The following CELA3B variants were observed in gnomAD, a reference collection of about 807,000 sequenced individuals.
CELA3B encodes the protein chymotrypsin-like elastase family member 3B.
A neutral mutation model predicts 37.2 loss-of-function variants in CELA3B; 34 were observed. The ratio of observed to expected loss-of-function variants is 0.91; its 90% CI spans 0.70 to 1.22. The LOEUF (loss-of-function observed/expected upper bound fraction) is 1.22. Among genes scored for constraint, CELA3B ranks in the 50% most tolerant of loss-of-function variants. The pLI is 0.00. For missense variants in CELA3B, 340 were observed against 363.1 expected (o/e 0.94, Z 0.52); for synonymous variants, 127 against 143.5 (o/e 0.89, Z 0.82).
At chr1:21,977,195 G>A (rs1644777549) in intron 1 of CELA3B, 113 bp downstream of exon 1, 2 of 1,510,360 alleles carry the variant, frequency 1.3e-6, no homozygotes, top group Non-Finnish European at 1.8e-6. Context: ...CACAGGAGGG[G>A]GTCTCAGCTT....
chr1:21,989,320 T>C lies in CELA3B; in HGVS notation c.*41T>C, dbSNP rs372504425. 1.5e-4 allele frequency: 219 copies of C among 1,414,280 alleles called. No individual in the cohort carries two copies. Among genetic ancestry groups the C allele is most frequent in the Admixed American group, 2.2e-4 (12 of 54,194 alleles). The allele number at this position is 1,414,280 out of a possible 1,614,324, so 87.6% of individuals were successfully genotyped here. ...GGCAGTGCTGATCGATCCCACATCC[T>C]GAATAAAGAATAAAGATCTCTCAGA... On this transcript the variant is annotated 3_prime_UTR_variant, in exon 8 of 8. Transcript: ENST00000337107.
intron 7 of CELA3B, among the ~76,000 whole-genome samples, chr1:21,988,930 T>A (rs528522236): frequency 2.3e-5 from 1 of 43,990 alleles, no homozygotes; most frequent in East Asian, 1.6e-3. Flanking sequence ...TTTGTTTATA[T>A]ACATACATAC....
At chr1:21,997,608 GA>G (rs1420828252) in intron 4 of CELA3B, among the ~76,000 whole-genome samples, 1 of 150,208 alleles carries the variant, frequency 6.7e-6, no homozygotes, top group Non-Finnish European at 1.5e-5. Flanking sequence ...AGAATCACTT[GA>G]ACCCGGGAGG....
chr1:21,996,012 G>C (rs554619081), intron 4 of CELA3B, among the ~76,000 whole-genome samples: 1 of 150,172 alleles, frequency 6.7e-6, no homozygotes, highest in South Asian at 2.1e-4. Flanking sequence ...TCGGGAGTTC[G>C]AGACCAACCT....
At chr1:21,991,422 G>A (rs148048303), downstream of CELA3B, among the ~76,000 whole-genome samples, 2,214 of 149,206 alleles carry the variant, frequency 0.015, 113 homozygotes, top group African/African-American at 0.054. Flanking sequence ...TGCAACCTCT[G>A]CCTCCCGGGT....
chr1:21,985,179 A>C (rs1342968646), intron 6 of CELA3B, among the ~76,000 whole-genome samples: 1 of 151,868 alleles, frequency 6.6e-6, no homozygotes, highest in East Asian at 1.9e-4. Context: ...ACTACTTGAG[A>C]GGCTGAGGTG....
At position 21,984,286 on chromosome 1, in the gene CELA3B, G is replaced by A. The variant is rs1173262954; in HGVS notation, c.597G>A (p.Lys199=). ...SRWNWWGSSV[K]KTMVCAGGDI... ...GGAACTGGTGGGGTTCCTCCGTGAA[G>A]AAGACCATGGTGTGTGCTGGAGGGG... is the stretch of plus-strand genomic sequence containing the variant. Residue 199 remains lysine, a synonymous_variant, in exon 6 of 8, where the codon AAG becomes AAA. Coordinates refer to ENST00000337107, the MANE Select transcript of CELA3B (RefSeq NM_007352.4). The A allele has an allele frequency of 6.2e-7, 1 of 1,614,182 alleles. No individual in the cohort carries two copies. The highest frequency in any genetic ancestry group is 8.5e-7 in the Non-Finnish European group (1 of 1,180,030).
intron 4 of CELA3B, among the ~76,000 whole-genome samples, chr1:21,997,619 G>A (rs1314386958): frequency 2.7e-5 from 4 of 150,596 alleles, no homozygotes; most frequent in Non-Finnish European, 4.4e-5. Flanking sequence ...AACCCGGGAG[G>A]CGAAGGTGGC....
chr1:21,989,723 G>A (rs1644861546), downstream of CELA3B, among the ~76,000 whole-genome samples: 1 of 150,752 alleles, frequency 6.6e-6, no homozygotes, highest in South Asian at 2.1e-4. Context: ...ATGGTAGAGT[G>A]GGAAGGACAA....
At chr1:21,995,172 C>A (rs1236007241) in intron 4 of CELA3B, among the ~76,000 whole-genome samples, 3 of 130,548 alleles carry the variant, frequency 2.3e-5, no homozygotes, top group Non-Finnish European at 4.7e-5. Flanking sequence ...GAGACAGAGT[C>A]TTGCTCTGTC....
intron 6 of CELA3B, among the ~76,000 whole-genome samples, chr1:21,986,043 C>T (rs1252311378): frequency 8.3e-6 from 1 of 120,274 alleles, no homozygotes; most frequent in African/African-American, 3.1e-5. Context: ...ATGTAATTCC[C>T]TAGGCTCTTG....
At chr1:21,998,185 C>G (rs1364948719) in exon 5 of CELA3B, 1 of 470,258 alleles carries the variant, frequency 2.1e-6, no homozygotes, top group South Asian at 1.6e-5. Flanking sequence ...GAGTCCCGGA[C>G]TTAGGACCAC....
chr1:21,993,477 AAAG>A (rs760523146), downstream of CELA3B, among the ~76,000 whole-genome samples: 591 of 100,692 alleles, frequency 5.9e-3, 11 homozygotes, highest in African/African-American at 0.032. Context: ...AAAAAAAAAA[AAAG>A]AAGAAGAAAA....
chr1:21,987,845 A>G (rs1381666600), intron 7 of CELA3B: 1 of 151,552 alleles, frequency 6.6e-6, no homozygotes, highest in African/African-American at 2.4e-5. Flanking sequence ...ATGTACTAAA[A>G]TTGGAATGAT....
At chr1:21,989,081 C>G (rs187581857) in intron 7 of CELA3B, among the ~76,000 whole-genome samples, 181 bp from the exon 8 acceptor site, 1 of 151,732 alleles carries the variant, frequency 6.6e-6, no homozygotes, top group Non-Finnish European at 1.5e-5. Flanking sequence ...TAATCAAGAA[C>G]CCCCCCATGA....
chr1:21,986,691 G>A lies in CELA3B; in HGVS notation c.795+8G>A. 2 of 1,611,368 alleles carry A rather than the reference G, an allele frequency of 1.2e-6. No individual in the cohort carries two copies. Among genetic ancestry groups the A allele is most frequent in the Non-Finnish European group, 1.7e-6 (2 of 1,178,892 alleles). On this transcript the variant is annotated splice_region_variant and intron_variant, in intron 7 of 7. Coordinates refer to ENST00000337107, the MANE Select transcript of CELA3B (RefSeq NM_007352.4). Reference sequence around the variant, plus strand: ...ATTGACTGGATTGAGGAGGTGAGGAGGGCAGGGCGGCCCGGAGGGCTTTAG... The same window carrying A: ...ATTGACTGGATTGAGGAGGTGAGGAAGGCAGGGCGGCCCGGAGGGCTTTAG...
At chr1:21,977,227 G>A (rs1569830690) in intron 1 of CELA3B, 145 bp downstream of exon 1, 1 of 1,254,340 alleles carries the variant, frequency 8.0e-7, no homozygotes, top group East Asian at 2.3e-5. Flanking sequence ...CATGACTGTG[G>A]GGGCTTTCAG....
chr1:21,981,870 C>T (rs184890506), intron 4 of CELA3B, among the ~76,000 whole-genome samples: 12 of 152,072 alleles, frequency 7.9e-5, no homozygotes, highest in East Asian at 1.9e-4. Context: ...GGACTACAGG[C>T]GCCCGCCACC....
chr1:21,979,001 C>T (rs1233139794), intron 2 of CELA3B, among the ~76,000 whole-genome samples: 6 of 150,372 alleles, frequency 4.0e-5, no homozygotes, highest in East Asian at 4.1e-4. Context: ...GAGATGAGAT[C>T]GCACCACTGC....
Sources: allele counts gnomAD v4.1 joint callset (sites outside exome capture counted in the v4.1 genomes callset), GRCh38; gene constraint gnomAD v4.1.1; transcripts MANE v1.5; gene names NCBI Gene and HGNC (gene_info 2026-07-23, HGNC 2026-07-21).